The following MKLN1 variants were observed in gnomAD, a reference collection of about 807,000 sequenced individuals.
MKLN1 encodes the protein muskelin 1, also known as muskelin.
A neutral mutation model predicts 99.0 loss-of-function variants in MKLN1; 18 were observed. The observed-to-expected ratio is 0.18, with a 90% CI of 0.13 to 0.27. The LOEUF (loss-of-function observed/expected upper bound fraction) is 0.27. Among genes scored for constraint, MKLN1 ranks in the 10% least tolerant of loss-of-function variants. MKLN1 has a pLI of 1.00. For missense variants in MKLN1, 621 were observed against 875.9 expected (o/e 0.71, Z 3.67); for synonymous variants, 288 against 293.2 (o/e 0.98, Z 0.18).
chr7:131,463,466 A>G, intron 13 of MKLN1, 102 bp downstream of exon 13: 1 of 1,213,710 alleles, frequency 8.2e-7, no homozygotes, highest in East Asian at 2.4e-5. Context: ...TTAATTTGTG[A>G]CATTGTATAT....
chr7:131,450,630 T>C (rs60570942), intron 12 of MKLN1, among the ~76,000 whole-genome samples: 11,752 of 152,242 alleles, frequency 0.077, 671 homozygotes, highest in East Asian at 0.18. Flanking sequence ...ATTAAATCTT[T>C]ATAGATAGTG....
intron 2 of MKLN1, among the ~76,000 whole-genome samples, chr7:131,152,116 A>G (rs1410164884): frequency 2.0e-5 from 3 of 152,178 alleles, no homozygotes; most frequent in Non-Finnish European, 4.4e-5. Flanking sequence ...TGAGGCCATT[A>G]GTTTGAGCCC....
intron 3 of MKLN1, among the ~76,000 whole-genome samples, chr7:131,283,346 CTCCTTCCT>C (rs1175927858): frequency 5.8e-5 from 3 of 51,446 alleles, no homozygotes; most frequent in African/African-American, 1.7e-4. Context: ...TTCCCTTCCC[CTCCTTCCT>C]TCCTTCCTTC....
At chr7:131,231,119 CAAA>C (rs58048470) in intron 3 of MKLN1, among the ~76,000 whole-genome samples, 27 of 60,392 alleles carry the variant, frequency 4.5e-4, no homozygotes, top group Non-Finnish European at 6.6e-4. Context: ...GACTCTGTCT[CAAA>C]AAAAAAAAAA....
upstream of MKLN1, among the ~76,000 whole-genome samples, chr7:131,326,279 T>C (rs1346959404): frequency 6.6e-6 from 1 of 152,188 alleles, no homozygotes; most frequent in Non-Finnish European, 1.5e-5. Flanking sequence ...CAGCATTCCC[T>C]TAAGGAACAC....
chr7:131,405,488 C>G (rs1794676102), intron 6 of MKLN1, among the ~76,000 whole-genome samples: 1 of 152,034 alleles, frequency 6.6e-6, no homozygotes, highest in South Asian at 2.1e-4. Flanking sequence ...TCTTCCTTCT[C>G]TTTTTGAGAT....
At chr7:131,186,459 G>A (rs1024753675) in intron 2 of MKLN1, among the ~76,000 whole-genome samples, 13 of 152,200 alleles carry the variant, frequency 8.5e-5, no homozygotes, top group African/African-American at 3.1e-4. Flanking sequence ...AGAGAACCAT[G>A]ATCGTGCCAC....
chr7:131,320,975 T>A (rs550557293), intron 3 of MKLN1, among the ~76,000 whole-genome samples: 3 of 152,214 alleles, frequency 2.0e-5, no homozygotes, highest in African/African-American at 4.8e-5. Context: ...CTTTTACACT[T>A]GTTGGTGAGA....
chr7:131,408,237 G>A (rs1050648201), intron 6 of MKLN1, among the ~76,000 whole-genome samples: 1 of 152,034 alleles, frequency 6.6e-6, no homozygotes. Flanking sequence ...TACTAGTTCA[G>A]TGTCATAATA....
intron 1 of MKLN1, among the ~76,000 whole-genome samples, chr7:131,118,015 TC>T (rs991395940): frequency 2.6e-5 from 4 of 152,166 alleles, no homozygotes; most frequent in African/African-American, 9.7e-5. Flanking sequence ...TGAAGTGTAA[TC>T]CCCAATGTTG....
intron 6 of MKLN1, among the ~76,000 whole-genome samples, chr7:131,408,572 T>A (rs1430629151): frequency 6.6e-6 from 1 of 152,200 alleles, no homozygotes; most frequent in African/African-American, 2.4e-5. Flanking sequence ...ATTTGAAATT[T>A]TTTCCCCTTT....
chr7:131,332,280 T>A (rs1210422459), intron 1 of MKLN1, among the ~76,000 whole-genome samples: 2 of 149,396 alleles, frequency 1.3e-5, no homozygotes, highest in Non-Finnish European at 3.0e-5. Flanking sequence ...AGAAAAAAAA[T>A]ATATAAATAT....
chr7:131,348,015 C>G (rs1799614380), intron 1 of MKLN1, among the ~76,000 whole-genome samples: 1 of 152,142 alleles, frequency 6.6e-6, no homozygotes, highest in Non-Finnish European at 1.5e-5. Flanking sequence ...AGGCTGAGAG[C>G]TCTAAGATAC....
At chr7:131,419,547 A>C (rs1795130533) in intron 8 of MKLN1, among the ~76,000 whole-genome samples, 1 of 152,206 alleles carries the variant, frequency 6.6e-6, no homozygotes, top group Non-Finnish European at 1.5e-5. Flanking sequence ...TGGCCTCATT[A>C]CAGATATTCT....
At chr7:131,196,592 G>A (rs1796648834) in intron 2 of MKLN1, among the ~76,000 whole-genome samples, 4 of 151,990 alleles carry the variant, frequency 2.6e-5, no homozygotes. Context: ...TAATGAAGCT[G>A]CCATAGAGTG....
At chr7:131,153,628 T>C (rs1795920783) in intron 2 of MKLN1, among the ~76,000 whole-genome samples, 1 of 151,078 alleles carries the variant, frequency 6.6e-6, no homozygotes, top group Non-Finnish European at 1.5e-5. Context: ...CACAATGGAG[T>C]CTGTGTAGCT....
chr7:131,440,841 A>G (rs994780667), intron 10 of MKLN1, among the ~76,000 whole-genome samples: 5 of 152,176 alleles, frequency 3.3e-5, no homozygotes, highest in African/African-American at 1.2e-4. Context: ...AAATGGGCAT[A>G]CTATATTCAG....
chr7:131,375,910 G>A (rs1463623141), intron 2 of MKLN1, among the ~76,000 whole-genome samples: 1 of 149,722 alleles, frequency 6.7e-6, no homozygotes, highest in African/African-American at 2.4e-5. Context: ...CTTTTCCCTG[G>A]CAAGTAGTGT....
At chr7:131,112,203 T>C (rs1002543213) in intron 1 of MKLN1, among the ~76,000 whole-genome samples, 5 of 152,376 alleles carry the variant, frequency 3.3e-5, no homozygotes, top group Middle Eastern at 3.4e-3. Flanking sequence ...TGAGCCATTG[T>C]AGGTCTTATG....
Sources: allele counts gnomAD v4.1 joint callset (sites outside exome capture counted in the v4.1 genomes callset), GRCh38; gene constraint gnomAD v4.1.1; transcripts MANE v1.5; gene names NCBI Gene and HGNC (gene_info 2026-07-23, HGNC 2026-07-21).